GUCY2F: variants seen among roughly 807,000 people sequenced by gnomAD.
GUCY2F encodes guanylate cyclase 2F, retinal.
Under a neutral mutation model 73.1 loss-of-function variants are expected in GUCY2F, and 61 were observed. That is an observed-to-expected ratio of 0.83 (90% CI 0.68 to 1.03). The LOEUF is 1.03. Among genes scored for constraint, GUCY2F ranks in the 50% least tolerant of loss-of-function variants. The pLI, the probability that GUCY2F is intolerant of heterozygous loss-of-function variation, is 0.00. For missense variants in GUCY2F, 912 were observed against 854.3 expected (o/e 1.07, Z -0.84); for synonymous variants, 331 against 307.8 (o/e 1.08, Z -0.79).
At chrX:109,447,541 G>A (rs749398940) in intron 6 of GUCY2F, among the ~76,000 whole-genome samples, 2 of 105,059 alleles carry the variant, frequency 1.9e-5, no homozygotes, top group South Asian at 8.9e-4. Flanking sequence ...AACCAAACAT[G>A]GCATGTTCTC....
chrX:109,463,285 C>A (rs1932398601), intron 3 of GUCY2F, among the ~76,000 whole-genome samples: 2 of 111,168 alleles, frequency 1.8e-5, no homozygotes, highest in Middle Eastern at 4.6e-3. Context: ...TTTCCAGCAG[C>A]TATATATTTT....
chrX:109,439,323 C>T (rs2147271886), intron 7 of GUCY2F, among the ~76,000 whole-genome samples: 1 of 112,127 alleles, frequency 8.9e-6, no homozygotes, highest in Non-Finnish European at 1.9e-5. Context: ...CTGTAATGGA[C>T]ATGACAGCTT....
chrX:109,471,013 C>T (rs1232764007), intron 2 of GUCY2F, among the ~76,000 whole-genome samples: 6 of 112,004 alleles, frequency 5.4e-5, no homozygotes, highest in Non-Finnish European at 1.1e-4. Context: ...ATAGTAAATT[C>T]CCAATAAATA....
At chrX:109,474,271 A>G (rs1223730214) in intron 2 of GUCY2F, among the ~76,000 whole-genome samples, 2 of 112,069 alleles carry the variant, frequency 1.8e-5, no homozygotes, top group Non-Finnish European at 1.9e-5. Context: ...TATCCATCCT[A>G]AAGTGGTGGA....
At chrX:109,397,166 A>T (rs1330204437) in intron 11 of GUCY2F, among the ~76,000 whole-genome samples, 1 of 111,630 alleles carries the variant, frequency 9.0e-6, no homozygotes, top group Non-Finnish European at 1.9e-5. Context: ...TCCACCTCCT[A>T]GTATGTGAAA....
intron 2 of GUCY2F, among the ~76,000 whole-genome samples, chrX:109,473,403 A>G (rs1184819481): frequency 8.9e-6 from 1 of 111,983 alleles, no homozygotes; most frequent in Admixed American, 9.5e-5. Context: ...TTTGATTATT[A>G]TTAAGTGAAA....
chrX:109,475,074 G>C, intron 2 of GUCY2F, 133 bp downstream of exon 2: 1 of 627,177 alleles, frequency 1.6e-6, no homozygotes, highest in South Asian at 2.9e-5. Context: ...CTGTGTGTGA[G>C]TGAAAAAGGG....
intron 8 of GUCY2F, among the ~76,000 whole-genome samples, chrX:109,420,220 CAAA>C (rs749869638): frequency 5.3e-5 from 2 of 38,054 alleles, no homozygotes; most frequent in African/African-American, 9.1e-5. Context: ...CTTAGGCCAC[CAAA>C]AAAAAAAAAA....
chrX:109,409,533 G>T (rs925148898), intron 8 of GUCY2F, among the ~76,000 whole-genome samples: 1 of 111,424 alleles, frequency 9.0e-6, no homozygotes, highest in Non-Finnish European at 1.9e-5. Context: ...CTAGAAGCTG[G>T]TAACCACCCT....
Position 109,430,333 on chromosome X carries a change from A to G in GUCY2F, c.1765T>C (p.Ser589Pro). 3 of 1,117,425 alleles carry G rather than the reference A, an allele frequency of 2.7e-6. No homozygotes were observed. The highest frequency in any genetic ancestry group is 3.7e-6 in the Non-Finnish European group (3 of 809,362). The allele number at this position is 1,117,425 out of a possible 1,213,427, so 92.1% of individuals were successfully genotyped here. A position where few individuals can be genotyped will look rare whatever the true frequency, so the allele number is the denominator to read the frequency against. Residue 589 changes from serine (S) to proline (P), a missense_variant, in exon 8 of 20, where the codon TCA becomes CCA. Coordinates refer to ENST00000218006, the MANE Select transcript of GUCY2F (RefSeq NM_001522.3). ...GDFGDLKSIK[S>P]RASDVFEMMK... The stretch of plus-strand genomic sequence containing the variant: ...ATTTCGAACACATCACTTGCTCTTG[A>G]TTTGATGGACTTAAGGTCTCCAAAA...
intron 10 of GUCY2F, 85 bp downstream of exon 10, chrX:109,404,243 G>T: frequency 1.4e-6 from 1 of 700,435 alleles, no homozygotes; most frequent in Non-Finnish European, 2.1e-6. Flanking sequence ...GTTGAAATCA[G>T]CCTGAGGCTT....
chrX:109,446,223 C>T (rs983834761), intron 6 of GUCY2F, among the ~76,000 whole-genome samples: 1 of 111,836 alleles, frequency 8.9e-6, no homozygotes, highest in African/African-American at 3.3e-5. Context: ...AGATTCAGTG[C>T]CATCCCCATC....
At chrX:109,467,208 G>C (rs1932485223) in intron 2 of GUCY2F, among the ~76,000 whole-genome samples, 2 of 112,207 alleles carry the variant, frequency 1.8e-5, no homozygotes, top group South Asian at 7.4e-4. Flanking sequence ...TTTAGAAAAA[G>C]AAAGTAGAAC....
chrX:109,478,989 G>T (rs977329616), intron 1 of GUCY2F, among the ~76,000 whole-genome samples: 1 of 112,061 alleles, frequency 8.9e-6, no homozygotes, highest in African/African-American at 3.2e-5. Flanking sequence ...ACCCATGAAA[G>T]AATAAATTAG....
chrX:109,384,856 A>G (rs1264366143), intron 16 of GUCY2F, among the ~76,000 whole-genome samples: 1 of 111,206 alleles, frequency 9.0e-6, no homozygotes, highest in African/African-American at 3.3e-5. Flanking sequence ...ACTCCCACAA[A>G]CCCACAAGCC....
chrX:109,432,444 C>T (rs190632541), intron 7 of GUCY2F, among the ~76,000 whole-genome samples: 4 of 111,660 alleles, frequency 3.6e-5, no homozygotes, highest in East Asian at 2.8e-4. Flanking sequence ...AAACTCTAAC[C>T]GAAAATTTAT....
At chrX:109,446,941 A>C (rs112117723) in intron 6 of GUCY2F, among the ~76,000 whole-genome samples, 6,438 of 111,779 alleles carry the variant, frequency 0.058, 429 homozygotes, top group African/African-American at 0.19. Context: ...AAAAATCAAA[A>C]AATCCCATCA....
intron 8 of GUCY2F, among the ~76,000 whole-genome samples, chrX:109,418,878 GA>G (rs1336075192): frequency 9.1e-6 from 1 of 109,814 alleles, no homozygotes; most frequent in Admixed American, 9.6e-5. Flanking sequence ...AAAAGAAAAA[GA>G]AAAAATTATT....
rs754108226 is a variant in GUCY2F at position 109,472,618 on chromosome X, G to A, written c.730+2589C>T. Among the ~76,000 whole-genome samples the A allele has an allele frequency of 7.1e-5, 8 of 112,221 alleles. 1 individual carries two copies. The highest frequency in any genetic ancestry group is 2.8e-4 in the Admixed American group (3 of 10,621). On this transcript the variant is annotated intron_variant, in intron 2 of 19. Transcript: ENST00000218006. ...AAAGATTTGATCCGGTATGTGCTACGGATGGTGTGTTGCAGTCTTCCTCAC... is the reference window on the plus strand; with the variant it reads ...AAAGATTTGATCCGGTATGTGCTACAGATGGTGTGTTGCAGTCTTCCTCAC...
Sources: allele counts gnomAD v4.1 joint callset (sites outside exome capture counted in the v4.1 genomes callset), GRCh38; gene constraint gnomAD v4.1.1; transcripts MANE v1.5; gene names NCBI Gene and HGNC (gene_info 2026-07-23, HGNC 2026-07-21).